The following ZCCHC2 variants were observed in gnomAD, a reference collection of about 807,000 sequenced individuals.
ZCCHC2 encodes the protein zinc finger CCHC domain-containing protein 2.
In ZCCHC2, 39 loss-of-function variants were observed where a neutral mutation model predicts 103.6. That is an observed-to-expected ratio of 0.38 (90% CI 0.29 to 0.49). ZCCHC2 has a LOEUF of 0.49. ZCCHC2 is among the 20% of genes least tolerant of loss of function. The pLI is 0.96. For missense variants in ZCCHC2, 1,483 were observed against 1,491.0 expected, an observed-to-expected ratio of 0.99 and a Z score of 0.09; for synonymous variants, 687 against 608.9, an observed-to-expected ratio of 1.13 and a Z score of -1.89.
At chr18:62,582,058 TAAAA>T (rs1917050980), downstream of ZCCHC2, among the ~76,000 whole-genome samples, 1 of 152,246 alleles carries the variant, frequency 6.6e-6, no homozygotes, top group Admixed American at 6.5e-5. Flanking sequence ...GGGAAAATTA[TAAAA>T]GAGTTTCAAG....
chr18:62,558,681 C>G lies in ZCCHC2; in HGVS notation c.1409-6C>G. 1.3e-6 allele frequency: 2 copies of G among 1,489,158 alleles called. No individual in the cohort carries two copies. Among genetic ancestry groups the G allele is most frequent in the South Asian group, 2.7e-5 (2 of 75,302 alleles). 92.2% of individuals were successfully genotyped at this position (1,489,158 alleles called of 1,614,324 possible). On this transcript the variant is annotated splice_polypyrimidine_tract_variant and splice_region_variant and intron_variant, in intron 6 of 13. Coordinates refer to ENST00000269499, the MANE Select transcript of ZCCHC2 (RefSeq NM_017742.6). ...AAAAGTTAATAGTATTGAATGCTTCCTGCAGATAACTTACAATCCTCTCTG... is the reference window on the plus strand; with the variant it reads ...AAAAGTTAATAGTATTGAATGCTTCGTGCAGATAACTTACAATCCTCTCTG...
chr18:62,523,844 G>T lies in ZCCHC2; in HGVS notation c.420G>T (p.Lys140Asn). Residue 140 changes from lysine (K) to asparagine (N), a missense_variant, in exon 1 of 14, where the codon AAG (lysine) becomes AAT (asparagine). By Grantham distance (94) the Lys-to-Asn change is moderately conservative. Transcript: ENST00000269499. ...LGSCLEDLAR[K>N]DYHYLRDSEA... The stretch of plus-strand genomic sequence containing the variant: ...CGTGCCTGGAGGACCTGGCGCGCAA[G>T]GACTACCACTACCTGCGCGACTCGG... The T allele has an allele frequency of 6.5e-7, 1 of 1,545,096 alleles. No individual in the cohort carries two copies. Among genetic ancestry groups the T allele is most frequent in the Non-Finnish European group, 8.7e-7 (1 of 1,146,334 alleles).
chr18:62,552,908 G>T lies in ZCCHC2; in HGVS notation c.1313+2448G>T, dbSNP rs559810856. On this transcript the variant is annotated intron_variant, in intron 5 of 13. Coordinates refer to ENST00000269499, the MANE Select transcript of ZCCHC2 (RefSeq NM_017742.6). Reference sequence around the variant, plus strand: ...CTGTCTCTTAAAAAAAAAAAAAAAAGTATGTGGGTGACTCCTTGTTAAAGC... The same window carrying T: ...CTGTCTCTTAAAAAAAAAAAAAAAATTATGTGGGTGACTCCTTGTTAAAGC... Among the ~76,000 whole-genome samples the T allele has an allele frequency of 6.4e-5, 8 of 125,368 alleles. 2 individuals carry two copies. The highest frequency in any genetic ancestry group is 4.8e-4 in the Admixed American group (6 of 12,622). 82.2% of individuals were successfully genotyped at this position (125,368 alleles called of 152,430 possible).
Position 62,523,378 on chromosome 18 carries a change from C to A in ZCCHC2, c.-47C>A. 1.3e-5 allele frequency: 3 copies of A among 234,520 alleles called. No individual in the cohort carries two copies. The highest frequency in any genetic ancestry group is 2.1e-5 in the Non-Finnish European group (3 of 143,346). The allele number at this position is 234,520 out of a possible 1,614,324, so 14.5% of individuals were successfully genotyped here. On this transcript the variant is annotated 5_prime_UTR_variant, in exon 1 of 14. Coordinates refer to ENST00000269499, the MANE Select transcript of ZCCHC2 (RefSeq NM_017742.6). ...CTCGGCCCGTGCTCCACCTCGCGGC[C>A]CCTCCCGCCCGCCCCCGCTCGCATG... is the stretch of plus-strand genomic sequence containing the variant.
intron 14 of ZCCHC2, among the ~76,000 whole-genome samples, chr18:62,583,766 T>C (rs1308230639): frequency 2.0e-5 from 3 of 151,962 alleles, no homozygotes; most frequent in Non-Finnish European, 4.4e-5. Context: ...ATGGGGTCCC[T>C]GCCTGGAAAC....
chr18:62,562,222 G>A (rs567980239), intron 8 of ZCCHC2, among the ~76,000 whole-genome samples: 5 of 151,942 alleles, frequency 3.3e-5, no homozygotes, highest in African/African-American at 9.7e-5. Flanking sequence ...GGATGGTCTC[G>A]AACTGCTGAC....
rs146153200 is a variant in ZCCHC2, at chr18:62,538,973, T to C, written c.940-708T>C. Among the ~76,000 whole-genome samples the C allele has an allele frequency of 4.4e-3, 618 of 139,174 alleles. 2 individuals are homozygous for C. The highest frequency in any genetic ancestry group is 0.015 in the African/African-American group (573 of 38,372). The allele number at this position is 139,174 out of a possible 152,430, so 91.3% of individuals were successfully genotyped here. On this transcript the variant is annotated intron_variant, in intron 1 of 13. Transcript: ENST00000269499. ...TAAGGTGCAAGCTGTAATAAAAAAC[T>C]GTCATAAGGCTATTTATTTACTTAC...
At position 62,550,396 on chromosome 18, in the gene ZCCHC2, G is replaced by T. The variant is rs1286730982; in HGVS notation, c.1249G>T (p.Ala417Ser). 4 of 1,613,758 alleles carry T rather than the reference G, an allele frequency of 2.5e-6. No homozygotes were observed. Among genetic ancestry groups the T allele is most frequent in the Admixed American group, 1.7e-5 (1 of 59,994 alleles). The change falls in exon 5 of 14, where the codon GCC becomes TCC. Residue 417 changes from alanine (A) to serine (S), a missense_variant. Around this residue, in one of 3 missense-constraint regions of ZCCHC2, gnomAD observed 31 missense variants for 58.4 expected, o/e 0.53. Coordinates refer to ENST00000269499, the MANE Select transcript of ZCCHC2 (RefSeq NM_017742.6). Reference sequence around the variant, plus strand: ...GACTTTTGACAAGACCATCTTAAGAGCCCTGAATCAGGGTTCCTTGAAAAG... The same window carrying T: ...GACTTTTGACAAGACCATCTTAAGATCCCTGAATCAGGGTTCCTTGAAAAG... The part of the protein sequence containing the change: ...SETFDKTILR[A>S]LNQGSLKREE...
chr18:62,557,862 T>A (rs1915960980), intron 6 of ZCCHC2, among the ~76,000 whole-genome samples: 1 of 152,044 alleles, frequency 6.6e-6, no homozygotes, highest in Non-Finnish European at 1.5e-5. Context: ...GCTAAAGAGG[T>A]TGGTGGATTT....
At chr18:62,559,836 T>A (rs1916041078) in intron 7 of ZCCHC2, among the ~76,000 whole-genome samples, 1 of 152,180 alleles carries the variant, frequency 6.6e-6, no homozygotes, top group Non-Finnish European at 1.5e-5. Context: ...TTTAACCAAC[T>A]GTGAGCTGAA....
At chr18:62,586,048 G>A (rs1224566055) in exon 15 of ZCCHC2, 5 of 152,112 alleles carry the variant, frequency 3.3e-5, no homozygotes, top group East Asian at 1.9e-4. Context: ...CGGGACTCCC[G>A]GGCAGGCTCT....
intron 9 of ZCCHC2, 85 bp from the exon 10 acceptor site, chr18:62,564,486 C>A: frequency 1.0e-6 from 1 of 986,214 alleles, no homozygotes; most frequent in Admixed American, 3.2e-5. Context: ...AACTGGGAAT[C>A]TATCATTTTA....
In ZCCHC2 at chr18:62,575,134, G is replaced by A. The variant is rs754173374; in HGVS notation, c.3053G>A (p.Arg1018Lys). ...GGTCCTTGTGGTTCTTGTGGGCGAA[G>A]GTGCAGCTGTGGGACCAATGGAAAC... ...GSGPCGSCGR[R>K]CSCGTNGNLQ... The change falls in exon 13 of 14, where the codon AGG becomes AAG. Residue 1018 changes from arginine to lysine, a missense_variant. Transcript: ENST00000269499. 5.6e-6 allele frequency: 9 copies of A among 1,614,020 alleles called. No individual in the cohort carries two copies. Among genetic ancestry groups the A allele is most frequent in the Non-Finnish European group, 7.6e-6 (9 of 1,179,900 alleles).
At position 62,560,599 on chromosome 18, in the gene ZCCHC2, A is replaced by G. The variant is rs532017327; in HGVS notation, c.1505A>G (p.His502Arg). 6 of 1,613,516 alleles carry G rather than the reference A, an allele frequency of 3.7e-6. No individual in the cohort carries two copies. The Admixed American group carries it at 6.7e-5, about 18-fold the overall frequency. The change falls in exon 8 of 14, where the codon CAT (histidine) becomes CGT (arginine). Residue 502 changes from histidine to arginine, a missense_variant. This residue lies in a region of ZCCHC2 where 884 missense variants were observed against 907.5 expected (regional missense o/e 0.97). Coordinates refer to ENST00000269499, the MANE Select transcript of ZCCHC2 (RefSeq NM_017742.6). ...ASSQEEDVLQHAIIHKKHTGK... is the reference protein window; with the variant it reads ...ASSQEEDVLQRAIIHKKHTGK... ...TCCTCTCTTCTAGATGTGTTGCAGC[A>G]TGCCATAATCCACAAGAAGCATACT...
chr18:62,526,071 CTTTT>C (rs899144155), intron 1 of ZCCHC2: 5 of 152,114 alleles, frequency 3.3e-5, no homozygotes, highest in East Asian at 1.9e-4. Flanking sequence ...TGCTGAAAGT[CTTTT>C]TTTCTTTCCC....
At chr18:62,580,152 G>C (rs190510793), downstream of ZCCHC2, among the ~76,000 whole-genome samples, 685 of 152,250 alleles carry the variant, frequency 4.5e-3, 4 homozygotes, top group African/African-American at 0.016. Flanking sequence ...GCCTGGCTCT[G>C]TTCATCTGAT....
intron 1 of ZCCHC2, among the ~76,000 whole-genome samples, chr18:62,535,572 C>T (rs1914886076): frequency 1.3e-5 from 2 of 152,150 alleles, no homozygotes; most frequent in South Asian, 4.1e-4. Context: ...ATCCCTAGAC[C>T]CCTCTCCTCT....
chr18:62,523,376 G>GGGGCGC lies in ZCCHC2; in HGVS notation c.-49_-48insGGGCGC. 9.9e-7 allele frequency: 1 copy of GGGGCGC among 1,012,352 alleles called. No homozygotes were observed. The highest frequency in any genetic ancestry group is 1.2e-6 in the Non-Finnish European group (1 of 848,990). The allele number at this position is 1,012,352 out of a possible 1,614,324, so 62.7% of individuals were successfully genotyped here. A position where few individuals can be genotyped will look rare whatever the true frequency, so the allele number is the denominator to read the frequency against. On this transcript the variant is annotated 5_prime_UTR_variant, in exon 1 of 14. Transcript: ENST00000269499. ...GCCTCGGCCCGTGCTCCACCTCGCGGCCCCTCCCGCCCGCCCCCGCTCGCA... is the reference window on the plus strand; with the variant it reads ...GCCTCGGCCCGTGCTCCACCTCGCGGGGGCGCCCCCTCCCGCCCGCCCCCGCTCGCA...
chr18:62,530,000 G>A (rs1418292004), intron 1 of ZCCHC2, among the ~76,000 whole-genome samples: 2 of 152,204 alleles, frequency 1.3e-5, no homozygotes, highest in Admixed American at 6.5e-5. Flanking sequence ...GAGCTATTTA[G>A]AGTATACAGG....
Sources: allele counts gnomAD v4.1 joint callset (sites outside exome capture counted in the v4.1 genomes callset), GRCh38; gene constraint gnomAD v4.1.1; regional missense constraint gnomAD v4.1.1; transcripts MANE v1.5; gene names NCBI Gene and HGNC (gene_info 2026-07-23, HGNC 2026-07-21).